NEDD4L: variants seen among roughly 807,000 people sequenced by gnomAD.
NEDD4L encodes the protein NEDD4 like E3 ubiquitin protein ligase, also known as E3 ubiquitin-protein ligase NEDD4-like.
Under a neutral mutation model 148.9 loss-of-function variants are expected in NEDD4L, and 54 were observed. That is an observed-to-expected ratio of 0.36 (90% CI 0.29 to 0.45). The LOEUF (loss-of-function observed/expected upper bound fraction) is 0.45, where lower values mean the gene tolerates loss of function less well. Ranked by LOEUF, NEDD4L falls within the 20% of genes least tolerant of loss-of-function variation. The pLI, the probability that NEDD4L is intolerant of heterozygous loss-of-function variation, is 1.00. For synonymous variants in NEDD4L, 433 were observed against 440.7 expected (o/e 0.98, Z 0.22); for missense variants, 856 against 1,233.8 (o/e 0.69, Z 4.59).
chr18:58,275,929 A>G (rs2051860346), intron 5 of NEDD4L, among the ~76,000 whole-genome samples: 1 of 152,154 alleles, frequency 6.6e-6, no homozygotes, highest in Admixed American at 6.5e-5. Flanking sequence ...CCATTTCCTA[A>G]GCGGCTCTGC....
At chr18:58,211,759 A>T (rs891312319) in intron 2 of NEDD4L, among the ~76,000 whole-genome samples, 1 of 152,226 alleles carries the variant, frequency 6.6e-6, no homozygotes, top group African/African-American at 2.4e-5. Flanking sequence ...AGTCTTCGTG[A>T]TCAAAGCAAT....
At chr18:58,063,121 C>G (rs1163996635) in intron 1 of NEDD4L, among the ~76,000 whole-genome samples, 1 of 131,540 alleles carries the variant, frequency 7.6e-6, no homozygotes, top group Non-Finnish European at 1.5e-5. Context: ...TCACGGTTCA[C>G]TGTAGCCTTG....
intron 5 of NEDD4L, among the ~76,000 whole-genome samples, chr18:58,276,212 T>TTGGGGGG (rs1555782967): frequency 3.9e-5 from 4 of 103,442 alleles, no homozygotes; most frequent in African/African-American, 1.1e-4. Flanking sequence ...TTTTTTTTTT[T>TTGGGGGG]GGGTGGGGAG....
chr18:58,087,646 G>A (rs57115621), intron 1 of NEDD4L, among the ~76,000 whole-genome samples: 22,114 of 151,914 alleles, frequency 0.15, 2,355 homozygotes, highest in African/African-American at 0.3. Flanking sequence ...AGGCCGAGGC[G>A]GGCGGATCAC....
intron 5 of NEDD4L, among the ~76,000 whole-genome samples, chr18:58,275,643 C>G (rs115024318): frequency 6.6e-6 from 1 of 152,186 alleles, no homozygotes; most frequent in Non-Finnish European, 1.5e-5. Context: ...CAGCCTGCCC[C>G]CTGCCATGCC....
At chr18:58,052,542 A>G (rs1183131382) in intron 1 of NEDD4L, among the ~76,000 whole-genome samples, 1 of 152,080 alleles carries the variant, frequency 6.6e-6, no homozygotes, top group Non-Finnish European at 1.5e-5. Context: ...CATCAAATTC[A>G]GTGTTTGGTG....
At position 58,324,951 on chromosome 18, in the gene NEDD4L, C is replaced by T. The variant is rs199527828; in HGVS notation, c.514-45C>T. On this transcript the variant is annotated intron_variant, in intron 8 of 30. Transcript: ENST00000400345. Reference sequence around the variant, plus strand: ...TGCTGTGATGACCTCTTACTCACAGCCGAAGAACCAACCTCATAATCGTCC... The same window carrying T: ...TGCTGTGATGACCTCTTACTCACAGTCGAAGAACCAACCTCATAATCGTCC... 4.5e-6 allele frequency: 7 copies of T among 1,569,648 alleles called. No homozygotes were observed. The African/African-American group carries it at 8.1e-5, about 18-fold the overall frequency.
intron 1 of NEDD4L, among the ~76,000 whole-genome samples, chr18:58,138,452 G>A (rs1430525670): frequency 7.0e-6 from 1 of 143,732 alleles, no homozygotes; most frequent in African/African-American, 2.6e-5. Flanking sequence ...ATCAGGTATG[G>A]CCTGAAAGAC....
chr18:58,317,105 G>C (rs749189955), intron 6 of NEDD4L, among the ~76,000 whole-genome samples: 2 of 152,222 alleles, frequency 1.3e-5, no homozygotes, highest in Admixed American at 1.3e-4. Context: ...CTCACTCAGG[G>C]GAGCTGTTAA....
In NEDD4L at chr18:58,078,341, A is replaced by G. The variant is rs144714049; in HGVS notation, c.48+33633A>G. ...TTTCTTTTAATATATCTTAAATATG[A>G]TATCAAAGAAAAACAGAACATGATG... On this transcript the variant is annotated intron_variant, in intron 1 of 30. Transcript: ENST00000400345. Among the ~76,000 whole-genome samples, 618 of 152,330 alleles carry G rather than the reference A, an allele frequency of 4.1e-3. 4 individuals are homozygous for G. Among genetic ancestry groups the G allele is most frequent in the African/African-American group, 0.014 (585 of 41,570 alleles).
rs1346978807 is a variant in NEDD4L at position 58,194,946 on chromosome 18, G to A, written c.122+29085G>A. 2.6e-5 allele frequency among the ~76,000 whole-genome samples: 4 copies of A among 152,216 alleles called. No individual in the cohort carries two copies. The East Asian group carries it at 7.7e-4, about 29-fold the overall frequency. ...TTCTACAAACAAGAATGCCAAAGGT[G>A]GCATAGGACAAGAAGCTTGCTGGAT... On this transcript the variant is annotated intron_variant, in intron 2 of 30. Coordinates refer to ENST00000400345, the MANE Select transcript of NEDD4L (RefSeq NM_001144967.3).
intron 5 of NEDD4L, among the ~76,000 whole-genome samples, chr18:58,263,265 G>T (rs530226530): frequency 1.3e-5 from 2 of 152,246 alleles, no homozygotes; most frequent in Admixed American, 1.3e-4. Flanking sequence ...ATTCCTCCAG[G>T]TAGCAAGAGA....
chr18:58,180,176 G>A (rs776122167), intron 2 of NEDD4L, among the ~76,000 whole-genome samples: 3 of 152,060 alleles, frequency 2.0e-5, no homozygotes, highest in African/African-American at 2.4e-5. Flanking sequence ...GCCCTGCAAC[G>A]CATCCCTCTC....
rs2050145949 is a variant in NEDD4L, at chr18:58,393,893, T to C, written c.2826-2274T>C. 2.0e-5 allele frequency among the ~76,000 whole-genome samples: 3 copies of C among 152,234 alleles called. No homozygotes were observed. The South Asian group carries it at 6.2e-4, about 32-fold the overall frequency. ...AAGCTTTCCAATGGTGATTATTGAG[T>C]GTCTGACATTCAAAGGACTTCATTT... On this transcript the variant is annotated intron_variant, in intron 30 of 30. Transcript: ENST00000400345.
intron 1 of NEDD4L, among the ~76,000 whole-genome samples, chr18:58,144,782 G>C (rs1288052252): frequency 6.6e-6 from 1 of 152,216 alleles, no homozygotes; most frequent in African/African-American, 2.4e-5. Context: ...AATGCAGGTG[G>C]ACAGACTCAG....
chr18:58,057,732 C>T (rs10439056), intron 1 of NEDD4L, among the ~76,000 whole-genome samples: 14,494 of 152,168 alleles, frequency 0.095, 1,015 homozygotes, highest in African/African-American at 0.2. Context: ...CCAGTGATCT[C>T]ACCTAGATGA....
chr18:58,184,300 G>A (rs2147050582), intron 2 of NEDD4L, among the ~76,000 whole-genome samples: 1 of 152,096 alleles, frequency 6.6e-6, no homozygotes, highest in South Asian at 2.1e-4. Context: ...GAAGTCATGG[G>A]ATTCTCTACC....
At chr18:58,235,499 A>G (rs1462700331) in intron 2 of NEDD4L, among the ~76,000 whole-genome samples, 1 of 152,158 alleles carries the variant, frequency 6.6e-6, no homozygotes, top group Non-Finnish European at 1.5e-5. Flanking sequence ...TGCCAGAATT[A>G]ATTAAAAGTA....
intron 1 of NEDD4L, among the ~76,000 whole-genome samples, chr18:58,116,255 A>G (rs1384607473): frequency 6.6e-6 from 1 of 152,236 alleles, no homozygotes; most frequent in Non-Finnish European, 1.5e-5. Flanking sequence ...TCTGTGAGTC[A>G]CCAAATCAAC....
Sources: allele counts gnomAD v4.1 joint callset (sites outside exome capture counted in the v4.1 genomes callset), GRCh38; gene constraint gnomAD v4.1.1; transcripts MANE v1.5; gene names NCBI Gene and HGNC (gene_info 2026-07-23, HGNC 2026-07-21).